LIMS1: variants seen among roughly 807,000 people sequenced by gnomAD.
The protein encoded by LIMS1 is LIM and senescent cell antigen-like-containing domain protein 1.
Under a neutral mutation model 44.1 loss-of-function variants are expected in LIMS1, and 18 were observed. The observed-to-expected ratio is 0.41, with a 90% CI of 0.28 to 0.61. The LOEUF is 0.61. LIMS1 is among the 20% of genes least tolerant of loss of function. LIMS1 has a pLI of 0.32. For missense variants in LIMS1, 201 were observed against 422.0 expected, an observed-to-expected ratio of 0.48 and a Z score of 4.59; for synonymous variants, 93 against 149.1, an observed-to-expected ratio of 0.62 and a Z score of 2.74.
At chr2:108,553,830 G>T (rs1458093221) in intron 1 of LIMS1, among the ~76,000 whole-genome samples, 1 of 150,530 alleles carries the variant, frequency 6.6e-6, no homozygotes, top group African/African-American at 2.4e-5. Flanking sequence ...GAACATCCAG[G>T]ATTTGTGAGA....
exon 10 of LIMS1, chr2:108,685,913 G>T (rs1403034448): frequency 6.6e-6 from 1 of 152,092 alleles, no homozygotes; most frequent in Non-Finnish European, 1.5e-5. Flanking sequence ...TATATTCTTC[G>T]TCACTTTGAA....
intron 1 of LIMS1, among the ~76,000 whole-genome samples, chr2:108,613,717 A>G (rs57748674): frequency 0.025 from 3,811 of 152,168 alleles, 102 homozygotes; most frequent in African/African-American, 0.064. Context: ...CTTGGCTCTC[A>G]GGGTGAAGAA....
At chr2:108,683,824 A>G (rs1573637896) in intron 9 of LIMS1, 61 bp from the exon 10 acceptor site, 1 of 863,466 alleles carries the variant, frequency 1.2e-6, no homozygotes, top group Non-Finnish European at 1.8e-6. Flanking sequence ...CACATCATTT[A>G]TATATCTTTG....
intron 1 of LIMS1, among the ~76,000 whole-genome samples, chr2:108,611,617 C>A (rs115930037): frequency 1.3e-5 from 2 of 151,966 alleles, no homozygotes; most frequent in East Asian, 3.9e-4. Flanking sequence ...CAGTAGCTCA[C>A]GCCTGTAATC....
intron 1 of LIMS1, among the ~76,000 whole-genome samples, chr2:108,578,118 C>G (rs1471319402): frequency 6.6e-6 from 1 of 152,150 alleles, no homozygotes; most frequent in Non-Finnish European, 1.5e-5. Context: ...ACCATCTTGG[C>G]CAGGCTGGTC....
intron 1 of LIMS1, among the ~76,000 whole-genome samples, chr2:108,540,276 G>T (rs1385766203): frequency 7.5e-6 from 1 of 133,026 alleles, no homozygotes; most frequent in Non-Finnish European, 1.5e-5. Context: ...TCGGCTCACT[G>T]CAGGCTCCGC....
At chr2:108,620,049 TTGAA>T (rs1397945344) in intron 1 of LIMS1, among the ~76,000 whole-genome samples, 1 of 152,200 alleles carries the variant, frequency 6.6e-6, no homozygotes, top group Non-Finnish European at 1.5e-5. Flanking sequence ...TATGCTGTGT[TTGAA>T]TGGCAATTAT....
At chr2:108,595,552 T>A (rs185111468) in intron 1 of LIMS1, among the ~76,000 whole-genome samples, 1 of 152,210 alleles carries the variant, frequency 6.6e-6, no homozygotes, top group Non-Finnish European at 1.5e-5. Context: ...TTCTTGTGAT[T>A]CTGCCTACTT....
At chr2:108,615,641 G>A (rs909790366) in intron 1 of LIMS1, among the ~76,000 whole-genome samples, 5 of 152,180 alleles carry the variant, frequency 3.3e-5, no homozygotes, top group African/African-American at 1.2e-4. Context: ...GCACACTGAT[G>A]CCTTTGGGAA....
chr2:108,572,180 G>A (rs1685500063), intron 1 of LIMS1, among the ~76,000 whole-genome samples: 1 of 151,662 alleles, frequency 6.6e-6, no homozygotes, highest in African/African-American at 2.4e-5. Flanking sequence ...TCCTAATCCT[G>A]ACTTTGTGTA....
chr2:108,635,508 C>T (rs2148904083), intron 1 of LIMS1, among the ~76,000 whole-genome samples: 1 of 151,128 alleles, frequency 6.6e-6, no homozygotes, highest in African/African-American at 2.4e-5. Context: ...CAAGACCAGC[C>T]TGGTCAAGAT....
chr2:108,591,209 G>C (rs546452460), intron 1 of LIMS1, among the ~76,000 whole-genome samples: 4 of 152,308 alleles, frequency 2.6e-5, no homozygotes, highest in Admixed American at 2.0e-4. Flanking sequence ...GTTGACATTT[G>C]AGTGGTTGCC....
chr2:108,647,656 C>G (rs1446444650), intron 1 of LIMS1, among the ~76,000 whole-genome samples: 1 of 152,184 alleles, frequency 6.6e-6, no homozygotes, highest in African/African-American at 2.4e-5. Context: ...AAGGTTCATT[C>G]AACATACGCA....
At chr2:108,619,689 AC>A (rs1328343806) in intron 1 of LIMS1, among the ~76,000 whole-genome samples, 2 of 151,870 alleles carry the variant, frequency 1.3e-5, no homozygotes, top group African/African-American at 4.9e-5. Context: ...GTCTCAAAAA[AC>A]AAAACAAAAC....
chr2:108,630,773 C>T (rs371560657), intron 1 of LIMS1, among the ~76,000 whole-genome samples: 1 of 152,138 alleles, frequency 6.6e-6, no homozygotes, highest in Non-Finnish European at 1.5e-5. Context: ...ATTTCACCAC[C>T]CATGGCTCTA....
At chr2:108,621,282 T>C (rs1688220375) in intron 1 of LIMS1, 1 of 1,537,952 alleles carries the variant, frequency 6.5e-7, no homozygotes, top group South Asian at 1.2e-5. Flanking sequence ...CAAGGGACGC[T>C]GCTTTCCCCT....
chr2:108,563,281 T>A (rs549230091), intron 1 of LIMS1, among the ~76,000 whole-genome samples: 2 of 152,372 alleles, frequency 1.3e-5, no homozygotes, highest in African/African-American at 4.8e-5. Context: ...AGAAATAAAT[T>A]GCATAGGCTA....
chr2:108,585,779 A>C (rs757260793), intron 1 of LIMS1, among the ~76,000 whole-genome samples: 2 of 152,162 alleles, frequency 1.3e-5, no homozygotes, highest in East Asian at 3.9e-4. Context: ...AAAAATGTCA[A>C]ATGTAAGATA....
At chr2:108,600,812 C>G (rs1335672967) in intron 1 of LIMS1, among the ~76,000 whole-genome samples, 1 of 152,120 alleles carries the variant, frequency 6.6e-6, no homozygotes, top group Non-Finnish European at 1.5e-5. Flanking sequence ...TGTGATTCCC[C>G]CAGTTTTGTT....
Sources: allele counts gnomAD v4.1 joint callset (sites outside exome capture counted in the v4.1 genomes callset), GRCh38; gene constraint gnomAD v4.1.1; transcripts MANE v1.5; gene names NCBI Gene and HGNC (gene_info 2026-07-23, HGNC 2026-07-21).